The following PLA2R1 variants were observed in gnomAD, a reference collection of about 807,000 sequenced individuals.
PLA2R1 encodes the protein phospholipase A2 receptor 1, also known as secretory phospholipase A2 receptor.
PLA2R1 carries 158 observed loss-of-function variants against 195.9 expected under a neutral mutation model. The observed-to-expected ratio is 0.81, with a 90% CI of 0.71 to 0.92. The LOEUF is 0.92. PLA2R1 is among the 40% of genes least tolerant of loss of function. The pLI is 0.00. For missense variants in PLA2R1, 1,626 were observed against 1,764.6 expected (o/e 0.92, Z 1.41); for synonymous variants, 586 against 598.2 (o/e 0.98, Z 0.30).
intron 15 of PLA2R1, 149 bp downstream of exon 15, chr2:159,977,135 A>C: frequency 1.6e-6 from 1 of 620,026 alleles, no homozygotes; most frequent in Admixed American, 3.2e-5. Context: ...GCCTTTTCCC[A>C]TTTCCTATAG....
Position 159,955,810 on chromosome 2 carries a change from AG to A in PLA2R1, c.3040del (p.Leu1014PhefsTer10), listed in dbSNP as rs961211420. ...CCACACACTGGTGGTCTGGCCAAAA[AG>A]ATTCATAGTAATGAAAGCTGAAAAA... ...EVEQAFITMN[L>X]FGQTTSVWIG... On this transcript the variant is annotated frameshift_variant, in exon 22 of 30. Coordinates refer to ENST00000283243, the MANE Select transcript of PLA2R1 (RefSeq NM_007366.5). LOFTEE classifies it high-confidence loss of function. 58 of 1,598,374 alleles carry A rather than the reference AG, an allele frequency of 3.6e-5. No homozygotes were observed. The highest frequency in any genetic ancestry group is 5.4e-5 in the African/African-American group (4 of 74,374).
Position 159,984,101 on chromosome 2 carries a change from ATT to A in PLA2R1, c.2038-30_2038-29del, listed in dbSNP as rs776579677. 305 of 1,102,560 alleles carry A rather than the reference ATT, an allele frequency of 2.8e-4. 1 individual carries two copies. The highest frequency in any genetic ancestry group is 4.0e-4 in the Non-Finnish European group (295 of 742,150). 68.3% of individuals were successfully genotyped at this position (1,102,560 alleles called of 1,614,324 possible). On this transcript the variant is annotated intron_variant, in intron 12 of 29. Coordinates refer to ENST00000283243, the MANE Select transcript of PLA2R1 (RefSeq NM_007366.5). Reference sequence around the variant, plus strand: ...GTATAGTAAAAGAAAATAAATTAACATTGTTATAGATAAAGTCAGGTTGTTAA... The same window carrying A: ...GTATAGTAAAAGAAAATAAATTAACAGTTATAGATAAAGTCAGGTTGTTAA...
In PLA2R1 at chr2:159,963,847, C is replaced by A. The variant is rs1449597390; in HGVS notation, c.2904+3692G>T. On this transcript the variant is annotated intron_variant, in intron 20 of 29. Coordinates refer to ENST00000283243, the MANE Select transcript of PLA2R1 (RefSeq NM_007366.5). Reference sequence around the variant, plus strand: ...CCTCAAAAAGCTAACTACTGAGTTACCATATGACCCAGCAATTCTATTCGT... The same window carrying A: ...CCTCAAAAAGCTAACTACTGAGTTAACATATGACCCAGCAATTCTATTCGT... Among the ~76,000 whole-genome samples the A allele has an allele frequency of 4.6e-5, 7 of 152,078 alleles. No individual in the cohort carries two copies. The East Asian group carries it at 1.3e-3, about 29-fold the overall frequency.
chr2:160,033,171 T>A, intron 3 of PLA2R1, 39 bp from the exon 4 acceptor site: 1 of 1,493,570 alleles, frequency 6.7e-7, no homozygotes. Flanking sequence ...AGGTCTTATT[T>A]TATCTATACA....
At chr2:159,989,359 G>A (rs1439341217) in intron 11 of PLA2R1, among the ~76,000 whole-genome samples, 3 of 152,200 alleles carry the variant, frequency 2.0e-5, no homozygotes, top group African/African-American at 7.2e-5. Context: ...AGAAATCCAT[G>A]TGGAAGCCCC....
intron 23 of PLA2R1, among the ~76,000 whole-genome samples, chr2:159,953,461 T>C (rs1349426253): frequency 1.3e-5 from 2 of 152,224 alleles, no homozygotes; most frequent in Non-Finnish European, 2.9e-5. Context: ...CTGGAAATAA[T>C]AGAAAAAACT....
intron 20 of PLA2R1, among the ~76,000 whole-genome samples, chr2:159,959,796 T>C (rs1272904607): frequency 2.0e-5 from 3 of 152,034 alleles, no homozygotes; most frequent in African/African-American, 7.2e-5. Context: ...CCAACAGCCA[T>C]ACCATTTGGA....
chr2:160,058,111 C>CA (rs961478242), intron 1 of PLA2R1, among the ~76,000 whole-genome samples: 165 of 143,882 alleles, frequency 1.1e-3, no homozygotes, highest in South Asian at 4.6e-3. Flanking sequence ...GAATCACCTC[C>CA]AAAAAAAAAA....
chr2:159,958,487 T>C (rs1574668553), intron 20 of PLA2R1, among the ~76,000 whole-genome samples: 2 of 152,112 alleles, frequency 1.3e-5, no homozygotes, highest in East Asian at 1.9e-4. Flanking sequence ...TTCCCCATCA[T>C]TCTTTAATTT....
chr2:159,935,383 C>A lies in PLA2R1; in HGVS notation c.*6395G>T, dbSNP rs1029925534. On this transcript the variant is annotated 3_prime_UTR_variant, in exon 30 of 30. Transcript: ENST00000283243. ...GTTTTCCTGATAGTGATTTTTGTTT[C>A]TCCCATTTCTTCTACATTTATCAAT... is the stretch of plus-strand genomic sequence containing the variant. The A allele has an allele frequency of 3.9e-5, 6 of 152,234 alleles. No homozygotes were observed. Among genetic ancestry groups the A allele is most frequent in the Non-Finnish European group, 8.8e-5 (6 of 68,034 alleles). The allele number at this position is 152,234 out of a possible 1,614,324, so 9.4% of individuals were successfully genotyped here. A position where few individuals can be genotyped will look rare whatever the true frequency, so the allele number is the denominator to read the frequency against.
At chr2:160,009,612 T>C (rs1289555031) in intron 10 of PLA2R1, among the ~76,000 whole-genome samples, 2 of 152,098 alleles carry the variant, frequency 1.3e-5, no homozygotes, top group Non-Finnish European at 2.9e-5. Flanking sequence ...TGGATGATGG[T>C]AGTGGGTGAA....
rs545339947 is a variant in PLA2R1, at chr2:160,053,526, C to T, written c.110-8369G>A. ...GGAGATTGCAACCTCTGAGCTATAACGTGCTTAGAATACAGTACCTGGATT... is the reference window on the plus strand; with the variant it reads ...GGAGATTGCAACCTCTGAGCTATAATGTGCTTAGAATACAGTACCTGGATT... On this transcript the variant is annotated intron_variant, in intron 1 of 29. Transcript: ENST00000283243. Among the ~76,000 whole-genome samples the T allele has an allele frequency of 5.3e-5, 8 of 152,268 alleles. No homozygotes were observed. In the South Asian group the frequency reaches 1.2e-3, roughly 24 times the overall value.
chr2:160,020,084 C>A, intron 8 of PLA2R1, 22 bp downstream of exon 8: 2 of 1,598,832 alleles, frequency 1.3e-6, no homozygotes, highest in African/African-American at 2.7e-5. Context: ...AAAGTGAGCA[C>A]TGAACAAATG....
chr2:160,048,460 G>A (rs1695020269), intron 1 of PLA2R1, among the ~76,000 whole-genome samples: 2 of 152,138 alleles, frequency 1.3e-5, no homozygotes, highest in African/African-American at 2.4e-5. Flanking sequence ...AATAGAATAT[G>A]ATCCTAGCAC....
intron 3 of PLA2R1, among the ~76,000 whole-genome samples, chr2:160,034,180 G>GT (rs1472601434): frequency 7.9e-5 from 12 of 151,910 alleles, no homozygotes; most frequent in Non-Finnish European, 1.5e-4. Context: ...TTTTTTGTTT[G>GT]GTTTTTTTTC....
chr2:159,961,204 C>CTG, intron 20 of PLA2R1, among the ~76,000 whole-genome samples: 1 of 152,262 alleles, frequency 6.6e-6, no homozygotes, highest in East Asian at 1.9e-4. Flanking sequence ...GGAGAAGGCA[C>CTG]TGTGGGTGGG....
rs1408825098 is a variant in PLA2R1 at position 159,987,267 on chromosome 2, C to T, written c.1926G>A (p.Leu642=). The stretch of plus-strand genomic sequence containing the variant: ...CCTGATTTTCAACTGGCTGCTTGCA[C>T]AAGGACATTGCCTTAAAGTGCCGAC... ...KHCRHFKAMS[L]CKQPVENQEK... is the part of the protein sequence containing the mutation. The change falls in exon 12 of 30, where the codon TTG becomes TTA. Residue 642 remains leucine (L), a synonymous_variant. Transcript: ENST00000283243. 4 of 1,613,504 alleles carry T rather than the reference C, an allele frequency of 2.5e-6. No homozygotes were observed. Among genetic ancestry groups the T allele is most frequent in the Non-Finnish European group, 3.4e-6 (4 of 1,179,908 alleles).
At chr2:160,026,833 T>C (rs1693552000) in intron 6 of PLA2R1, among the ~76,000 whole-genome samples, 1 of 152,170 alleles carries the variant, frequency 6.6e-6, no homozygotes, top group Non-Finnish European at 1.5e-5. Flanking sequence ...CATGAAATCC[T>C]TTTTGAACTT....
chr2:159,961,118 C>A (rs1260958670), intron 20 of PLA2R1, among the ~76,000 whole-genome samples: 1 of 152,126 alleles, frequency 6.6e-6, no homozygotes, highest in Non-Finnish European at 1.5e-5. Context: ...AAAAATATTT[C>A]CCTTTTAAAA....
Sources: allele counts gnomAD v4.1 joint callset (sites outside exome capture counted in the v4.1 genomes callset), GRCh38; gene constraint gnomAD v4.1.1; transcripts MANE v1.5; gene names NCBI Gene and HGNC (gene_info 2026-07-23, HGNC 2026-07-21).